The following TOX variants were observed in gnomAD, a reference collection of about 807,000 sequenced individuals.
The protein encoded by TOX is thymocyte selection associated high mobility group box.
In TOX, 11 loss-of-function variants were observed where a neutral mutation model predicts 53.7. The observed-to-expected ratio is 0.20, with a 90% CI of 0.13 to 0.34. The LOEUF is 0.34. TOX is among the 10% of genes least tolerant of loss of function. The probability of loss-of-function intolerance (pLI) is 1.00; values close to 1 mark genes in which losing one functional copy is unlikely to be tolerated. For synonymous variants in TOX, 225 were observed against 245.3 expected (o/e 0.92, Z 0.77); for missense variants, 570 against 664.6 (o/e 0.86, Z 1.56).
intron 3 of TOX, among the ~76,000 whole-genome samples, chr8:58,864,165 C>T (rs537948296): frequency 1.3e-5 from 2 of 152,202 alleles, no homozygotes; most frequent in East Asian, 1.9e-4. Flanking sequence ...TGTGGCCTTT[C>T]ATCCAATGAT....
intron 1 of TOX, among the ~76,000 whole-genome samples, chr8:58,995,451 C>T (rs1813544128): frequency 6.6e-6 from 1 of 152,196 alleles, no homozygotes; most frequent in Non-Finnish European, 1.5e-5. Context: ...AAAAGCAGAA[C>T]AGAGATTGCA....
At chr8:58,867,644 T>C (rs1811126627) in intron 3 of TOX, among the ~76,000 whole-genome samples, 1 of 152,198 alleles carries the variant, frequency 6.6e-6, no homozygotes, top group African/African-American at 2.4e-5. Flanking sequence ...TAAAGTGTAA[T>C]TGTGATTCAG....
intron 1 of TOX, among the ~76,000 whole-genome samples, chr8:59,012,221 G>C (rs1585963130): frequency 6.6e-6 from 1 of 152,256 alleles, no homozygotes; most frequent in Admixed American, 6.5e-5. Flanking sequence ...AATATTTGGA[G>C]ATAAGGCAAT....
chr8:58,937,749 C>G (rs1444933730), intron 3 of TOX, among the ~76,000 whole-genome samples: 1 of 152,062 alleles, frequency 6.6e-6, no homozygotes, highest in Non-Finnish European at 1.5e-5. Context: ...GGGGAATAAG[C>G]CTAGAGAACA....
At chr8:59,053,608 T>G (rs10504281) in intron 1 of TOX, among the ~76,000 whole-genome samples, 24,691 of 152,198 alleles carry the variant, frequency 0.16, 2,320 homozygotes, top group Non-Finnish European at 0.22. Flanking sequence ...GTCATGTATT[T>G]CAAACAGCTT....
chr8:58,925,532 A>G (rs1448702261), intron 3 of TOX, among the ~76,000 whole-genome samples: 2 of 152,202 alleles, frequency 1.3e-5, no homozygotes, highest in Non-Finnish European at 2.9e-5. Context: ...CATTTAATCC[A>G]CACCACAAGA....
At chr8:58,976,735 T>C (rs1333422425) in intron 1 of TOX, among the ~76,000 whole-genome samples, 1 of 152,360 alleles carries the variant, frequency 6.6e-6, no homozygotes, top group East Asian at 1.9e-4. Flanking sequence ...GGTTGCAGAA[T>C]GGATGTTATG....
chr8:59,007,667 G>A (rs908480394), intron 1 of TOX, among the ~76,000 whole-genome samples: 4 of 151,982 alleles, frequency 2.6e-5, no homozygotes, highest in Admixed American at 1.3e-4. Flanking sequence ...TGTTGGGGGG[G>A]AAATAAAAAA....
chr8:58,836,226 C>A (rs1175764319), intron 5 of TOX, among the ~76,000 whole-genome samples: 1 of 152,114 alleles, frequency 6.6e-6, no homozygotes, highest in Admixed American at 6.5e-5. Flanking sequence ...GGTTGGAATA[C>A]ACTTAGTTTC....
chr8:59,096,677 G>A (rs778994074), intron 1 of TOX, among the ~76,000 whole-genome samples: 2 of 152,144 alleles, frequency 1.3e-5, no homozygotes, highest in Non-Finnish European at 2.9e-5. Context: ...GATCACTAGA[G>A]GCACAGAGTT....
chr8:59,028,657 G>A (rs1463896070), intron 1 of TOX, among the ~76,000 whole-genome samples: 3 of 152,038 alleles, frequency 2.0e-5, no homozygotes, highest in Non-Finnish European at 4.4e-5. Flanking sequence ...CATAGATTAC[G>A]TCAGCTCCTT....
At chr8:58,808,364 C>A in intron 7 of TOX, 95 bp from the exon 8 acceptor site, 1 of 1,451,114 alleles carries the variant, frequency 6.9e-7, no homozygotes, top group Non-Finnish European at 9.1e-7. Context: ...ACACACTAGG[C>A]CTCTTGCTTC....
At chr8:58,894,910 C>T (rs1811616236) in intron 3 of TOX, among the ~76,000 whole-genome samples, 2 of 149,626 alleles carry the variant, frequency 1.3e-5, no homozygotes, top group Non-Finnish European at 3.0e-5. Flanking sequence ...AATGAATAGG[C>T]TGGGGGCGGT....
intron 1 of TOX, among the ~76,000 whole-genome samples, chr8:58,988,870 T>C (rs1234069767): frequency 2.6e-5 from 4 of 152,218 alleles, no homozygotes; most frequent in African/African-American, 9.6e-5. Context: ...CTTCTGCAAC[T>C]GTGAGACTTG....
At chr8:58,999,327 G>GA (rs71557746) in intron 1 of TOX, among the ~76,000 whole-genome samples, 12,192 of 149,022 alleles carry the variant, frequency 0.082, 618 homozygotes, top group Middle Eastern at 0.17. Flanking sequence ...ACAATTTCAG[G>GA]AAAAAAAAAC....
At chr8:58,825,194 AT>A (rs1440088466) in intron 6 of TOX, among the ~76,000 whole-genome samples, 1 of 151,874 alleles carries the variant, frequency 6.6e-6, no homozygotes, top group African/African-American at 2.4e-5. Context: ...TTGGAGGGTC[AT>A]TTTTTTTAAC....
intron 1 of TOX, among the ~76,000 whole-genome samples, chr8:59,006,623 T>C (rs1813796131): frequency 6.6e-6 from 1 of 152,218 alleles, no homozygotes; most frequent in South Asian, 2.1e-4. Context: ...GGACCTAATA[T>C]ATATCTAATC....
At chr8:58,956,320 G>C (rs1404741052) in intron 2 of TOX, among the ~76,000 whole-genome samples, 2 of 152,202 alleles carry the variant, frequency 1.3e-5, no homozygotes, top group Non-Finnish European at 2.9e-5. Flanking sequence ...ATGCGTATCT[G>C]AGTGGGCTGA....
At chr8:58,996,404 T>A (rs1036375300) in intron 1 of TOX, among the ~76,000 whole-genome samples, 4 of 152,192 alleles carry the variant, frequency 2.6e-5, no homozygotes, top group Non-Finnish European at 5.9e-5. Context: ...TCATCAAGGT[T>A]CCAATCCTGC....
Sources: gnomAD v4.1 joint callset for allele counts (sites outside exome capture counted in the v4.1 genomes callset) on GRCh38, gnomAD v4.1.1 for gene constraint, MANE v1.5 for transcripts, NCBI Gene and HGNC (gene_info 2026-07-23, HGNC 2026-07-21) for gene names.